The following HCN1 variants were observed in gnomAD, a reference collection of about 807,000 sequenced individuals.
The protein encoded by HCN1 is hyperpolarization activated cyclic nucleotide gated potassium channel 1, also known as potassium/sodium hyperpolarization-activated cyclic nucleotide-gated channel 1.
HCN1 carries 13 observed loss-of-function variants against 78.9 expected under a neutral mutation model. The ratio of observed to expected loss-of-function variants is 0.16; its 90% CI spans 0.11 to 0.26. HCN1 has a LOEUF of 0.26. Among genes scored for constraint, HCN1 ranks in the 10% least tolerant of loss-of-function variants. The probability of loss-of-function intolerance (pLI) is 1.00; values close to 1 mark genes in which losing one functional copy is unlikely to be tolerated. For synonymous variants in HCN1, 552 were observed against 455.5 expected, an observed-to-expected ratio of 1.21 and a Z score of -2.70; for missense variants, 810 against 1,154.3, an observed-to-expected ratio of 0.70 and a Z score of 4.32.
At chr5:45,371,524 C>G (rs1274992370) in intron 4 of HCN1, among the ~76,000 whole-genome samples, 4 of 151,392 alleles carry the variant, frequency 2.6e-5, no homozygotes, top group Non-Finnish European at 5.9e-5. Context: ...TTTGGGAAGC[C>G]GAGGTGGACA....
At chr5:45,398,669 A>G (rs976539333) in intron 3 of HCN1, among the ~76,000 whole-genome samples, 37 of 152,312 alleles carry the variant, frequency 2.4e-4, no homozygotes, top group Non-Finnish European at 4.1e-4. Context: ...TAGTTTCAAG[A>G]TTTGCATATA....
chr5:45,265,262 G>C (rs1295677028), intron 7 of HCN1, among the ~76,000 whole-genome samples: 1 of 152,020 alleles, frequency 6.6e-6, no homozygotes, highest in African/African-American at 2.4e-5. Context: ...AAATTATCTA[G>C]TGAAATATCC....
At chr5:45,610,317 C>A (rs1206837719) in intron 2 of HCN1, among the ~76,000 whole-genome samples, 1 of 151,856 alleles carries the variant, frequency 6.6e-6, no homozygotes, top group Non-Finnish European at 1.5e-5. Flanking sequence ...AATATAAAGT[C>A]ATATGTCTGC....
chr5:45,263,058 A>G (rs867236743), intron 7 of HCN1, among the ~76,000 whole-genome samples: 6 of 152,228 alleles, frequency 3.9e-5, no homozygotes, highest in Admixed American at 2.0e-4. Context: ...GCCACTTTAC[A>G]GAAGAAATGG....
intron 5 of HCN1, among the ~76,000 whole-genome samples, chr5:45,329,261 T>C (rs1746299185): frequency 6.6e-6 from 1 of 151,532 alleles, no homozygotes; most frequent in Non-Finnish European, 1.5e-5. Context: ...GAACTGCCAC[T>C]TTCCTCCCCT....
intron 3 of HCN1, among the ~76,000 whole-genome samples, chr5:45,440,721 A>T (rs1036303489): frequency 5.3e-5 from 8 of 152,186 alleles, no homozygotes; most frequent in Non-Finnish European, 8.8e-5. Context: ...GTACTGACTT[A>T]AACATTTGCT....
intron 3 of HCN1, among the ~76,000 whole-genome samples, chr5:45,446,605 A>G (rs1018774037): frequency 2.0e-5 from 3 of 152,194 alleles, no homozygotes; most frequent in Non-Finnish European, 2.9e-5. Flanking sequence ...CAAAGTTGAA[A>G]TGAAGGAAAA....
At chr5:45,634,810 T>C (rs1745330794) in intron 2 of HCN1, among the ~76,000 whole-genome samples, 1 of 152,076 alleles carries the variant, frequency 6.6e-6, no homozygotes, top group African/African-American at 2.4e-5. Context: ...TTAAAAGCTA[T>C]GAATTCGAAT....
intron 2 of HCN1, among the ~76,000 whole-genome samples, chr5:45,619,526 A>G (rs1247723928): frequency 6.6e-6 from 1 of 152,144 alleles, no homozygotes; most frequent in Admixed American, 6.6e-5. Context: ...ATAAATATGA[A>G]TCTACGCTGA....
rs569744147 is a variant in HCN1, at chr5:45,580,056, A to C, written c.849+65129T>G. Among the ~76,000 whole-genome samples, 9 of 152,248 alleles carry C rather than the reference A, an allele frequency of 5.9e-5. No individual in the cohort carries two copies. In the East Asian group the frequency reaches 1.7e-3, roughly 29 times the overall value. On this transcript the variant is annotated intron_variant, in intron 2 of 7. Coordinates refer to ENST00000303230, the MANE Select transcript of HCN1 (RefSeq NM_021072.4). The stretch of plus-strand genomic sequence containing the variant: ...CCTATTCAAAGCCACAGTCCCGCTG[A>C]GACCTTCAAGGATTCAGCCTATTCA...
intron 2 of HCN1, among the ~76,000 whole-genome samples, chr5:45,493,361 T>G (rs1741937475): frequency 6.6e-6 from 1 of 151,926 alleles, no homozygotes; most frequent in Non-Finnish European, 1.5e-5. Flanking sequence ...AAAAAATAAA[T>G]CGAGTTAAAT....
chr5:45,508,406 C>A (rs1742349724), intron 2 of HCN1, among the ~76,000 whole-genome samples: 1 of 152,060 alleles, frequency 6.6e-6, no homozygotes, highest in African/African-American at 2.4e-5. Context: ...GTTTTACAAT[C>A]CATGCTAGGC....
At chr5:45,611,294 C>T (rs545370627) in intron 2 of HCN1, among the ~76,000 whole-genome samples, 26 of 111,520 alleles carry the variant, frequency 2.3e-4, no homozygotes, top group African/African-American at 7.8e-4. Context: ...TTTTTTGAGA[C>T]GGAGTCTAGC....
At chr5:45,270,939 C>G (rs533441349) in intron 6 of HCN1, among the ~76,000 whole-genome samples, 2 of 152,136 alleles carry the variant, frequency 1.3e-5, no homozygotes, top group African/African-American at 4.8e-5. Context: ...CCTCTGTCAT[C>G]TGATGATCTC....
At chr5:45,633,208 A>T (rs1376563724) in intron 2 of HCN1, among the ~76,000 whole-genome samples, 1 of 152,020 alleles carries the variant, frequency 6.6e-6, no homozygotes, top group East Asian at 1.9e-4. Flanking sequence ...ATCTTTCAAA[A>T]ATGTGTATGA....
intron 1 of HCN1, among the ~76,000 whole-genome samples, chr5:45,680,149 C>T: frequency 6.6e-6 from 1 of 152,104 alleles, no homozygotes; most frequent in Non-Finnish European, 1.5e-5. Flanking sequence ...AGCAGTGCCA[C>T]ATTGCAGTCA....
At chr5:45,677,681 G>A (rs1320579798) in intron 1 of HCN1, among the ~76,000 whole-genome samples, 1 of 151,804 alleles carries the variant, frequency 6.6e-6, no homozygotes, top group African/African-American at 2.4e-5. Context: ...CAGGATTAAA[G>A]AGTAATGACA....
chr5:45,310,422 C>T (rs7703337), intron 5 of HCN1, among the ~76,000 whole-genome samples: 4,567 of 152,204 alleles, frequency 0.03, 270 homozygotes, highest in African/African-American at 0.1. Context: ...AAGAGATCAA[C>T]ATCACTGATC....
intron 1 of HCN1, among the ~76,000 whole-genome samples, chr5:45,663,546 GCAACCTA>G (rs1745966690): frequency 9.5e-6 from 1 of 105,238 alleles, no homozygotes; most frequent in African/African-American, 3.8e-5. Context: ...GAAAATTTTC[GCAACCTA>G]CTCATCTGAC....
Sources: allele counts gnomAD v4.1 joint callset (sites outside exome capture counted in the v4.1 genomes callset), GRCh38; gene constraint gnomAD v4.1.1; transcripts MANE v1.5; gene names NCBI Gene and HGNC (gene_info 2026-07-23, HGNC 2026-07-21).